CD244: variants seen among roughly 807,000 people sequenced by gnomAD.
The protein encoded by CD244 is natural killer cell receptor 2B4.
Under a neutral mutation model 45.5 loss-of-function variants are expected in CD244, and 20 were observed. The observed-to-expected ratio is 0.44, with a 90% CI of 0.31 to 0.64. The LOEUF is 0.64. CD244 is among the 30% of genes least tolerant of loss of function. The pLI is 0.08. For synonymous variants in CD244, 185 were observed against 160.5 expected, an observed-to-expected ratio of 1.15 and a Z score of -1.15; for missense variants, 407 against 426.9, an observed-to-expected ratio of 0.95 and a Z score of 0.41.
intron 1 of CD244, among the ~76,000 whole-genome samples, chr1:160,854,001 T>A (rs552876308): frequency 8.5e-5 from 13 of 152,100 alleles, no homozygotes; most frequent in Admixed American, 7.2e-4. Context: ...GCCTGGTGTA[T>A]GCAGAAAGGA....
Position 160,841,660 on chromosome 1 carries a change from G to C in CD244, c.303C>G (p.Asp101Glu), listed in dbSNP as rs1450164061. 6.2e-7 allele frequency: 1 copy of C among 1,614,136 alleles called. No individual in the cohort carries two copies. The highest frequency in any genetic ancestry group is 8.5e-7 in the Non-Finnish European group (1 of 1,179,972). Reference sequence around the variant, plus strand: ...TGACCTCCAGGCAGTAGAGGCCACTGTCCTGCTGCTGAGCTGCCTTGATGA... The same window carrying C: ...TGACCTCCAGGCAGTAGAGGCCACTCTCCTGCTGCTGAGCTGCCTTGATGA... The part of the protein sequence containing the change: ...SLLIKAAQQQ[D>E]SGLYCLEVTS... The change falls in exon 2 of 9, where the codon GAC becomes GAG. Residue 101 changes from aspartate to glutamate, a missense_variant. Physicochemically the swap from Asp to Glu is conservative, Grantham distance 45. Transcript: ENST00000368034.
At chr1:160,843,463 T>C (rs1365021775) in intron 1 of CD244, among the ~76,000 whole-genome samples, 2 of 152,194 alleles carry the variant, frequency 1.3e-5, no homozygotes, top group Non-Finnish European at 2.9e-5. Flanking sequence ...CATCAATTAT[T>C]CAGTCCTTAC....
chr1:160,838,388 C>A, intron 5 of CD244, 63 bp downstream of exon 5: 8 of 1,162,730 alleles, frequency 6.9e-6, no homozygotes, highest in Non-Finnish European at 1.0e-5. Flanking sequence ...CTCTGAATAA[C>A]CATCATTGAA....
chr1:160,837,893 C>T (rs773995725), intron 5 of CD244, among the ~76,000 whole-genome samples: 2 of 152,218 alleles, frequency 1.3e-5, no homozygotes, highest in East Asian at 1.9e-4. Context: ...CTGCCTGCTG[C>T]GAAGAGCAGG....
chr1:160,835,655 G>T (rs12067762), intron 6 of CD244, among the ~76,000 whole-genome samples: 4,995 of 152,010 alleles, frequency 0.033, 188 homozygotes, highest in South Asian at 0.1. Flanking sequence ...CTAAAGAACT[G>T]ACTCATGACA....
intron 6 of CD244, among the ~76,000 whole-genome samples, chr1:160,835,150 G>C (rs369020350): frequency 6.6e-6 from 1 of 151,958 alleles, no homozygotes; most frequent in Non-Finnish European, 1.5e-5. Flanking sequence ...CTGGCCACCA[G>C]GAGGCAGTGT....
intron 1 of CD244, among the ~76,000 whole-genome samples, chr1:160,858,232 G>A (rs1303506837): frequency 1.3e-5 from 2 of 150,478 alleles, no homozygotes; most frequent in African/African-American, 2.4e-5. Flanking sequence ...TGGAGGGGAG[G>A]TGCAATGAGG....
chr1:160,838,135 C>G (rs1013836563), intron 5 of CD244, among the ~76,000 whole-genome samples: 7 of 152,218 alleles, frequency 4.6e-5, no homozygotes, highest in Non-Finnish European at 1.0e-4. Flanking sequence ...AATTTGTGGT[C>G]AGACAACAAA....
chr1:160,834,593 C>T (rs555598104), intron 6 of CD244, among the ~76,000 whole-genome samples: 13 of 152,286 alleles, frequency 8.5e-5, no homozygotes, highest in Non-Finnish European at 1.2e-4. Context: ...CCTCGTGATC[C>T]GCCCGCCTCG....
chr1:160,837,098 G>C (rs146369489), intron 5 of CD244, among the ~76,000 whole-genome samples: 1 of 152,194 alleles, frequency 6.6e-6, no homozygotes, highest in Non-Finnish European at 1.5e-5. Context: ...GTCTCAAAGT[G>C]AGACCACATG....
chr1:160,862,709 T>C lies in CD244; in HGVS notation c.-32A>G, dbSNP rs1180832783. 6.2e-7 allele frequency: 1 copy of C among 1,606,662 alleles called. No individual in the cohort carries two copies. Among genetic ancestry groups the C allele is most frequent in the South Asian group, 1.1e-5 (1 of 90,594 alleles). On this transcript the variant is annotated 5_prime_UTR_variant, in exon 1 of 9. Coordinates refer to ENST00000368034, the MANE Select transcript of CD244 (RefSeq NM_016382.4). ...AGGACAGAGGGGCCAGGCCAGCCCC[T>C]CCACCCCACCAGACTCTCTGCCGTG...
rs1669093502 is a variant in CD244, at chr1:160,830,923, T to G, written c.*424A>C. 2 of 164,374 alleles carry G rather than the reference T, an allele frequency of 1.2e-5. No homozygotes were observed. Among genetic ancestry groups the G allele is most frequent in the South Asian group, 1.5e-4 (1 of 6,464 alleles). 10.2% of individuals were successfully genotyped at this position (164,374 alleles called of 1,614,324 possible). On this transcript the variant is annotated 3_prime_UTR_variant, in exon 9 of 9. Coordinates refer to ENST00000368034, the MANE Select transcript of CD244 (RefSeq NM_016382.4). Reference sequence around the variant, plus strand: ...TCTTCCCCTGAGTCACCATTATCATTCCTTCCTCTTGCTTTGGAAGATGGG... The same window carrying G: ...TCTTCCCCTGAGTCACCATTATCATGCCTTCCTCTTGCTTTGGAAGATGGG...
In CD244 at chr1:160,841,341, C is replaced by T; in HGVS notation, c.524G>A (p.Gly175Glu). 1 of 1,614,182 alleles carries T rather than the reference C, an allele frequency of 6.2e-7. No homozygotes were observed. Among genetic ancestry groups the T allele is most frequent in the Non-Finnish European group, 8.5e-7 (1 of 1,180,024 alleles). ...YRGSKLIQTAGNLTYLDEEVD... is the reference protein window; with the variant it reads ...YRGSKLIQTAENLTYLDEEVD... ...CTCCTCGTCCAGGTAGGTGAGGTTC[C>T]CTGCTGTCTGGATCAGCTTGCTCCC... is the stretch of plus-strand genomic sequence containing the variant. Residue 175 changes from glycine (G) to glutamate (E), a missense_variant, in exon 3 of 9, where the codon GGG becomes GAG. Physicochemically the swap from Gly to Glu is moderately conservative, Grantham distance 98. Transcript: ENST00000368034.
At position 160,851,084 on chromosome 1, in the gene CD244, G is replaced by A. The variant is rs539698237; in HGVS notation, c.62-9183C>T. Among the ~76,000 whole-genome samples the A allele has an allele frequency of 4.6e-5, 7 of 152,280 alleles. No individual in the cohort carries two copies. In the East Asian group the frequency reaches 5.8e-4, roughly 13 times the overall value. On this transcript the variant is annotated intron_variant, in intron 1 of 8. Transcript: ENST00000368034. ...CAGAGTTTCCATGCCTTCCCAGGGC[G>A]TGCCACCCTCCAGGAACCTCCGCAT...
chr1:160,862,122 C>T (rs990269711), intron 1 of CD244, among the ~76,000 whole-genome samples: 4 of 152,272 alleles, frequency 2.6e-5, no homozygotes, highest in South Asian at 2.1e-4. Context: ...CTGAAGAAGC[C>T]GGGGAGATGA....
intron 5 of CD244, among the ~76,000 whole-genome samples, chr1:160,837,307 T>C (rs759355912): frequency 1.3e-5 from 2 of 152,006 alleles, no homozygotes; most frequent in Non-Finnish European, 2.9e-5. Context: ...TTTGGAAAAA[T>C]AGATTATTTT....
chr1:160,832,647 G>A, intron 7 of CD244, 72 bp from the exon 8 acceptor site: 2 of 1,600,060 alleles, frequency 1.2e-6, no homozygotes, highest in Non-Finnish European at 1.7e-6. Flanking sequence ...GATGTGAGAG[G>A]TCCCAAAAGA....
chr1:160,832,748 C>A (rs1476860950), intron 7 of CD244, 173 bp from the exon 8 acceptor site: 2 of 1,379,284 alleles, frequency 1.5e-6, no homozygotes, highest in South Asian at 2.5e-5. Context: ...TGTTTATGGT[C>A]TCCAGGGAAG....
At chr1:160,833,438 C>T (rs1571083886) in intron 7 of CD244, among the ~76,000 whole-genome samples, 2 of 152,292 alleles carry the variant, frequency 1.3e-5, no homozygotes, top group South Asian at 4.1e-4. Context: ...CTCTTCCCAT[C>T]CCCTTCCATA....
Sources: gnomAD v4.1 joint callset for allele counts (sites outside exome capture counted in the v4.1 genomes callset) on GRCh38, gnomAD v4.1.1 for gene constraint, MANE v1.5 for transcripts, NCBI Gene and HGNC (gene_info 2026-07-23, HGNC 2026-07-21) for gene names.